The following LAMA1 variants were observed in gnomAD, a reference collection of about 807,000 sequenced individuals.
The protein encoded by LAMA1 is laminin subunit alpha-1.
LAMA1 carries 219 observed loss-of-function variants against 348.7 expected under a neutral mutation model. The ratio of observed to expected loss-of-function variants is 0.63; its 90% CI spans 0.56 to 0.70. The LOEUF (loss-of-function observed/expected upper bound fraction) is 0.70. LAMA1 is among the 30% of genes least tolerant of loss of function. The pLI is 0.00. For synonymous variants in LAMA1, 1,487 were observed against 1,491.0 expected (o/e 1.00, Z 0.06); for missense variants, 3,744 against 3,888.0 (o/e 0.96, Z 0.99).
intron 50 of LAMA1, among the ~76,000 whole-genome samples, chr18:6,965,048 T>C (rs1478537874): frequency 6.6e-6 from 1 of 152,200 alleles, no homozygotes; most frequent in African/African-American, 2.4e-5. Flanking sequence ...TGATTCTTGA[T>C]TCCAATCCAG....
At chr18:6,999,070 G>A (rs982586808) in intron 32 of LAMA1, among the ~76,000 whole-genome samples, 4 of 151,950 alleles carry the variant, frequency 2.6e-5, no homozygotes, top group South Asian at 2.1e-4. Context: ...TGATAGTCAC[G>A]AGTGGAAGCT....
chr18:6,961,664 G>A lies in LAMA1; in HGVS notation c.7548C>T (p.Thr2516=). The part of the protein sequence containing the change: ...PESEWLVTFA[T]TNSSGIILAA... Reference sequence around the variant, plus strand: ...CCAGGATGATGCCACTGCTGTTCGTGGTGGCAAATGTTACCAGCCATTCTG... The same window carrying A: ...CCAGGATGATGCCACTGCTGTTCGTAGTGGCAAATGTTACCAGCCATTCTG... The change falls in exon 53 of 63, where the codon ACC becomes ACT. Residue 2516 remains threonine (T), a synonymous_variant. Transcript: ENST00000389658. 1 of 1,614,092 alleles carries A rather than the reference G, an allele frequency of 6.2e-7. No homozygotes were observed. The highest frequency in any genetic ancestry group is 8.5e-7 in the Non-Finnish European group (1 of 1,180,018).
rs1375842990 is a variant in LAMA1, at chr18:6,986,121, A to G, written c.5379+16T>C. The G allele has an allele frequency of 6.2e-7, 1 of 1,613,718 alleles. No homozygotes were observed. Among genetic ancestry groups the G allele is most frequent in the South Asian group, 1.1e-5 (1 of 91,072 alleles). On this transcript the variant is annotated intron_variant, in intron 37 of 62. Transcript: ENST00000389658. ...TACCTGTTCTAATTGAGAAGGAGAG[A>G]GCAAGTGAGACTCACACTGAATTCT...
chr18:7,037,761 A>T lies in LAMA1; in HGVS notation c.1564-10T>A, dbSNP rs1459306263. 2 of 1,613,926 alleles carry T rather than the reference A, an allele frequency of 1.2e-6. No homozygotes were observed. The highest frequency in any genetic ancestry group is 1.7e-6 in the Non-Finnish European group (2 of 1,179,936). ...CGGACATACTGTTTACCTTAAAAAC[A>T]AATTCAAGAATTTTGAAGTATGAAA... On this transcript the variant is annotated splice_polypyrimidine_tract_variant and intron_variant, in intron 11 of 62. Transcript: ENST00000389658.
intron 39 of LAMA1, among the ~76,000 whole-genome samples, chr18:6,984,160 CT>C (rs1285744725): frequency 1.3e-5 from 2 of 152,022 alleles, no homozygotes; most frequent in Non-Finnish European, 2.9e-5. Context: ...TTTTCCACTA[CT>C]GATCCCTAAG....
intron 3 of LAMA1, among the ~76,000 whole-genome samples, chr18:7,053,590 G>C (rs1013743975): frequency 6.6e-6 from 1 of 152,116 alleles, no homozygotes; most frequent in Admixed American, 6.5e-5. Flanking sequence ...ACTATTAGCA[G>C]CGGGAGGAAA....
Position 6,949,172 on chromosome 18 carries a change from T to C in LAMA1, c.8485A>G (p.Met2829Val), listed in dbSNP as rs1268507181. 3.7e-6 allele frequency: 6 copies of C among 1,614,208 alleles called. No individual in the cohort carries two copies. The highest frequency in any genetic ancestry group is 5.1e-6 in the Non-Finnish European group (6 of 1,180,026). ...PMVTVVGDGT[M>V]LDVEGLFYLG... ...TAGAACAAACCCTCCACATCCAGCA[T>C]GGTTCCATCTCCCACCACAGTCACC... Residue 2829 changes from methionine to valine, a missense_variant, in exon 59 of 63, where the codon ATG (methionine) becomes GTG (valine). Physicochemically the swap from Met to Val is conservative, Grantham distance 21. Coordinates refer to ENST00000389658, the MANE Select transcript of LAMA1 (RefSeq NM_005559.4).
chr18:7,041,551 A>G (rs1207195101), intron 9 of LAMA1, among the ~76,000 whole-genome samples: 1 of 152,212 alleles, frequency 6.6e-6, no homozygotes, highest in African/African-American at 2.4e-5. Context: ...CTTTGAACAG[A>G]CGCAACCTAT....
At chr18:6,992,303 A>T (rs947308953) in intron 36 of LAMA1, among the ~76,000 whole-genome samples, 3 of 152,226 alleles carry the variant, frequency 2.0e-5, no homozygotes, top group African/African-American at 7.2e-5. Context: ...AACATCCCGG[A>T]ATCACAGAAA....
chr18:7,091,174 T>G (rs1336470425), intron 1 of LAMA1, among the ~76,000 whole-genome samples: 3 of 152,238 alleles, frequency 2.0e-5, no homozygotes, highest in Non-Finnish European at 2.9e-5. Context: ...CAGTTTTCTC[T>G]TTTGTTTCCA....
intron 61 of LAMA1, among the ~76,000 whole-genome samples, chr18:6,944,227 G>A (rs2057512765): frequency 6.6e-6 from 1 of 152,170 alleles, no homozygotes; most frequent in Non-Finnish European, 1.5e-5. Flanking sequence ...TGTTGGCCAG[G>A]CTGGTCTTGA....
At chr18:6,951,663 AG>A (rs1247772432) in intron 57 of LAMA1, among the ~76,000 whole-genome samples, 3 of 12,418 alleles carry the variant, frequency 2.4e-4, no homozygotes, top group East Asian at 6.9e-3. Context: ...TCAGGGGGTC[AG>A]GGGTGAAGCG....
At chr18:7,008,252 G>T (rs567662195) in intron 28 of LAMA1, among the ~76,000 whole-genome samples, 1 of 152,100 alleles carries the variant, frequency 6.6e-6, no homozygotes, top group Non-Finnish European at 1.5e-5. Context: ...GATGATAGTG[G>T]TGACAGTTGT....
chr18:7,024,600 C>G (rs2057934028), intron 17 of LAMA1, 134 bp from the exon 18 acceptor site: 1 of 735,564 alleles, frequency 1.4e-6, no homozygotes, highest in Non-Finnish European at 2.4e-6. Context: ...GAATCCGGGG[C>G]CTCTGGTCAC....
At chr18:6,961,841 C>T in intron 52 of LAMA1, 82 bp from the exon 53 acceptor site, 1 of 1,576,632 alleles carries the variant, frequency 6.3e-7, no homozygotes, top group Non-Finnish European at 8.7e-7. Context: ...GCTGATTTCC[C>T]CATCATCTCT....
At position 7,036,025 on chromosome 18, in the gene LAMA1, C is replaced by T. The variant is rs746330789; in HGVS notation, c.1801G>A (p.Asp601Asn). 1.9e-6 allele frequency: 3 copies of T among 1,614,232 alleles called. No homozygotes were observed. The highest frequency in any genetic ancestry group is 1.1e-5 in the South Asian group (1 of 91,076). The change falls in exon 13 of 63, where the codon GAC (aspartate) becomes AAC (asparagine). Residue 601 changes from aspartate to asparagine, a missense_variant. Physicochemically the swap from Asp to Asn is conservative, Grantham distance 23. Around this residue, in one of 3 missense-constraint regions of LAMA1, gnomAD observed 1,529 missense variants for 1,689.4 expected, o/e 0.91. Transcript: ENST00000389658. Reference protein sequence around the residue: ...VSYDIPVETVDSNLMSHADVI... With the variant: ...VSYDIPVETVNSNLMSHADVI... The stretch of plus-strand genomic sequence containing the variant: ...TCAGCATGCGACATGAGGTTACTGT[C>T]TACCGTCTCTACCGGAATATCGTAG...
chr18:7,043,156 A>G, intron 8 of LAMA1, 71 bp downstream of exon 8: 1 of 1,482,582 alleles, frequency 6.7e-7, no homozygotes, highest in Non-Finnish European at 9.4e-7. Flanking sequence ...ACAGAGGTTA[A>G]GACTTGACAA....
At chr18:6,959,285 A>G (rs1010445538) in intron 54 of LAMA1, 56 bp downstream of exon 54, 61 of 1,612,894 alleles carry the variant, frequency 3.8e-5, no homozygotes, top group Non-Finnish European at 5.2e-5. Flanking sequence ...TTCCTCCCAC[A>G]TTCCCTCTGA....
chr18:6,998,746 C>T (rs1046738387), intron 32 of LAMA1, among the ~76,000 whole-genome samples: 7 of 152,134 alleles, frequency 4.6e-5, no homozygotes, highest in African/African-American at 1.2e-4. Flanking sequence ...CAAAAGCCCA[C>T]GACAGGCCGG....
Sources: gnomAD v4.1 joint callset for allele counts (sites outside exome capture counted in the v4.1 genomes callset) on GRCh38, gnomAD v4.1.1 for gene constraint, gnomAD v4.1.1 regional missense constraint, MANE v1.5 for transcripts, NCBI Gene and HGNC (gene_info 2026-07-23, HGNC 2026-07-21) for gene names.